The following RB1CC1 variants were observed in gnomAD, a reference collection of about 807,000 sequenced individuals.
The protein encoded by RB1CC1 is RB1-inducible coiled-coil protein 1.
In RB1CC1, 46 loss-of-function variants were observed where a neutral mutation model predicts 177.5. That is an observed-to-expected ratio of 0.26 (90% CI 0.20 to 0.33). The LOEUF is 0.33. RB1CC1 is among the 10% of genes least tolerant of loss of function. The pLI is 1.00. For missense variants in RB1CC1, 1,703 were observed against 1,816.3 expected (o/e 0.94, Z 1.13); for synonymous variants, 666 against 613.6 (o/e 1.09, Z -1.26).
At chr8:52,673,424 A>C (rs973149633) in intron 7 of RB1CC1, among the ~76,000 whole-genome samples, 3 of 152,224 alleles carry the variant, frequency 2.0e-5, no homozygotes, top group Non-Finnish European at 4.4e-5. Flanking sequence ...TAAAGATCTC[A>C]GGCAGATGCA....
chr8:52,648,196 T>G (rs1850229732), intron 15 of RB1CC1, among the ~76,000 whole-genome samples: 1 of 151,462 alleles, frequency 6.6e-6, no homozygotes, highest in South Asian at 2.1e-4. Flanking sequence ...GTATCTCATT[T>G]ACTGACTCAA....
intron 18 of RB1CC1, among the ~76,000 whole-genome samples, chr8:52,642,029 C>T (rs1413206663): frequency 6.6e-6 from 1 of 152,116 alleles, no homozygotes; most frequent in Non-Finnish European, 1.5e-5. Flanking sequence ...TTCATTACTA[C>T]AATAACCCCT....
intron 5 of RB1CC1, among the ~76,000 whole-genome samples, chr8:52,682,727 TA>T (rs1345930284): frequency 5.9e-5 from 9 of 152,202 alleles, no homozygotes; most frequent in African/African-American, 1.9e-4. Context: ...TAAAAGATTC[TA>T]TTATGTAAAT....
chr8:52,646,030 T>C (rs568590643), intron 15 of RB1CC1, among the ~76,000 whole-genome samples, 163 bp from the exon 16 acceptor site: 27 of 152,176 alleles, frequency 1.8e-4, no homozygotes, highest in Non-Finnish European at 1.6e-4. Flanking sequence ...GGGAAATAAG[T>C]AAAAGTTTAA....
chr8:52,689,991 G>C (rs1244304747), intron 1 of RB1CC1, among the ~76,000 whole-genome samples: 1 of 152,130 alleles, frequency 6.6e-6, no homozygotes, highest in East Asian at 1.9e-4. Context: ...TATCATAAAT[G>C]TGATACTTTC....
Position 52,656,930 on chromosome 8 carries a change from C to G in RB1CC1, c.2899G>C (p.Val967Leu). Residue 967 changes from valine (V) to leucine (L), a missense_variant, in exon 15 of 24, where the codon GTT becomes CTT. Val to Leu is a conservative substitution (Grantham distance 32). Around this residue, in one of 6 missense-constraint regions of RB1CC1, gnomAD observed 1,169 missense variants for 1,184.7 expected, o/e 0.99. Transcript: ENST00000025008. The stretch of plus-strand genomic sequence containing the variant: ...AACTGTAACTTCTCATCATTTTCAA[C>G]ATGGAGCTTTTTTAAGTCTTCTAAC... ...IVLEDLKKLH[V>L]ENDEKLQLLR... is the part of the protein sequence containing the mutation. The G allele has an allele frequency of 6.2e-7, 1 of 1,613,244 alleles. No homozygotes were observed. Among genetic ancestry groups the G allele is most frequent in the Non-Finnish European group, 8.5e-7 (1 of 1,179,904 alleles).
chr8:52,700,089 T>A (rs1258486135), intron 1 of RB1CC1, among the ~76,000 whole-genome samples: 4 of 151,934 alleles, frequency 2.6e-5, no homozygotes, highest in Non-Finnish European at 5.9e-5. Context: ...CCATAATTCA[T>A]GCTACACAAA....
At chr8:52,660,793 C>A in intron 11 of RB1CC1, 133 bp downstream of exon 11, 1 of 1,086,636 alleles carries the variant, frequency 9.2e-7, no homozygotes, top group Non-Finnish European at 1.3e-6. Flanking sequence ...CAATTCTATA[C>A]ACTTTAAAAG....
intron 1 of RB1CC1, among the ~76,000 whole-genome samples, chr8:52,708,607 T>C (rs1483480567): frequency 1.3e-5 from 2 of 152,182 alleles, no homozygotes; most frequent in African/African-American, 2.4e-5. Flanking sequence ...TGGCCTATAG[T>C]ATTCTTTCTC....
At chr8:52,703,776 A>T (rs926521695) in intron 1 of RB1CC1, among the ~76,000 whole-genome samples, 3 of 152,214 alleles carry the variant, frequency 2.0e-5, no homozygotes, top group African/African-American at 7.2e-5. Flanking sequence ...GCTAAAAAAA[A>T]TTTTGGTCAT....
chr8:52,636,846 A>T (rs1462230190), intron 18 of RB1CC1, among the ~76,000 whole-genome samples: 4 of 152,154 alleles, frequency 2.6e-5, no homozygotes, highest in Middle Eastern at 6.3e-3. Flanking sequence ...TGAAAAAGCT[A>T]TTTCCTTCAC....
rs771579613 is a variant in RB1CC1, at chr8:52,656,214, G to A, written c.3615C>T (p.Tyr1205=). The A allele has an allele frequency of 2.5e-5, 41 of 1,613,376 alleles. No individual in the cohort carries two copies. The highest frequency in any genetic ancestry group is 1.0e-4 in the Admixed American group (6 of 59,962). ...DEKITQQEEK[Y]EAIIQNLEKD... ...TCTCAAGGTTCTGGATAATAGCTTCGTATTTCTCTTCTTGTTGGGTAATTT... is the reference window on the plus strand; with the variant it reads ...TCTCAAGGTTCTGGATAATAGCTTCATATTTCTCTTCTTGTTGGGTAATTT... Residue 1205 remains tyrosine (Y), a synonymous_variant, in exon 15 of 24, where the codon TAC becomes TAT. Coordinates refer to ENST00000025008, the MANE Select transcript of RB1CC1 (RefSeq NM_014781.5).
At chr8:52,658,253 T>C (rs756572586) in intron 13 of RB1CC1, 129 bp from the exon 14 acceptor site, 53 of 1,093,654 alleles carry the variant, frequency 4.8e-5, no homozygotes, top group Admixed American at 1.5e-4. Flanking sequence ...ATACCAGAAG[T>C]ATTTTAAGAA....
chr8:52,684,308 A>C (rs1854041774), intron 3 of RB1CC1, among the ~76,000 whole-genome samples: 1 of 152,222 alleles, frequency 6.6e-6, no homozygotes, highest in African/African-American at 2.4e-5. Flanking sequence ...AACTACATTA[A>C]GTCTAACACA....
chr8:52,682,883 A>C (rs1485981703), intron 5 of RB1CC1, among the ~76,000 whole-genome samples: 3 of 152,144 alleles, frequency 2.0e-5, no homozygotes, highest in Non-Finnish European at 1.5e-5. Flanking sequence ...TATTTGTACA[A>C]ATGTATATAC....
At chr8:52,675,667 G>C (rs1009738683) in intron 6 of RB1CC1, among the ~76,000 whole-genome samples, 3 of 142,682 alleles carry the variant, frequency 2.1e-5, no homozygotes, top group Non-Finnish European at 4.5e-5. Context: ...TCAGGAGATC[G>C]AGACCATCCT....
chr8:52,632,076 A>G (rs1387171412), intron 20 of RB1CC1, among the ~76,000 whole-genome samples: 29 of 152,216 alleles, frequency 1.9e-4, no homozygotes, highest in Non-Finnish European at 1.6e-4. Flanking sequence ...TGATGAGCAC[A>G]ATCAAATGGT....
chr8:52,681,999 C>T (rs1175353857), intron 5 of RB1CC1, among the ~76,000 whole-genome samples: 3 of 152,170 alleles, frequency 2.0e-5, no homozygotes, highest in Non-Finnish European at 4.4e-5. Context: ...AAGAGGGTCA[C>T]GGTCCTCCAG....
intron 8 of RB1CC1, among the ~76,000 whole-genome samples, chr8:52,665,592 A>G (rs1228329729): frequency 1.3e-5 from 2 of 152,240 alleles, no homozygotes; most frequent in Non-Finnish European, 2.9e-5. Context: ...TGTTTGATTC[A>G]TTCTATGGAA....
Sources: gnomAD v4.1 joint callset for allele counts (sites outside exome capture counted in the v4.1 genomes callset) on GRCh38, gnomAD v4.1.1 for gene constraint, gnomAD v4.1.1 regional missense constraint, MANE v1.5 for transcripts, NCBI Gene and HGNC (gene_info 2026-07-23, HGNC 2026-07-21) for gene names.